SLMAP: variants seen among roughly 807,000 people sequenced by gnomAD.
SLMAP encodes the protein sarcolemmal membrane-associated protein.
A neutral mutation model predicts 128.8 loss-of-function variants in SLMAP; 44 were observed. That is an observed-to-expected ratio of 0.34 (90% confidence interval 0.27 to 0.44). The LOEUF is 0.44. SLMAP is among the 20% of genes least tolerant of loss of function. SLMAP has a pLI of 1.00. For synonymous variants in SLMAP, 327 were observed against 348.8 expected, an observed-to-expected ratio of 0.94 and a Z score of 0.70; for missense variants, 787 against 985.3, an observed-to-expected ratio of 0.80 and a Z score of 2.69.
At chr3:57,768,402 A>T (rs1046940066) in intron 2 of SLMAP, among the ~76,000 whole-genome samples, 16 of 152,270 alleles carry the variant, frequency 1.1e-4, no homozygotes, top group African/African-American at 3.8e-4. Context: ...TACTTATACA[A>T]ATAACAGGAA....
At chr3:57,829,546 A>G (rs949078051) in intron 2 of SLMAP, among the ~76,000 whole-genome samples, 9 of 152,328 alleles carry the variant, frequency 5.9e-5, no homozygotes, top group Non-Finnish European at 1.2e-4. Context: ...AAATATTCCT[A>G]CTTGAAAGTA....
chr3:57,843,762 C>CT (rs2094090903), intron 4 of SLMAP, among the ~76,000 whole-genome samples: 1 of 112,510 alleles, frequency 8.9e-6, no homozygotes, highest in Non-Finnish European at 1.8e-5. Flanking sequence ...CTCTCTCTTT[C>CT]TTTCTTTTCT....
intron 2 of SLMAP, among the ~76,000 whole-genome samples, chr3:57,794,705 T>C (rs1336749418): frequency 6.6e-6 from 1 of 152,236 alleles, no homozygotes; most frequent in East Asian, 1.9e-4. Context: ...CTTTTGTGTC[T>C]GGCTTCTTTC....
chr3:57,861,444 A>C lies in SLMAP; in HGVS notation c.829-505A>C, dbSNP rs565214155. ...TAGAATTAGTTAAAATGCTCATCAG[A>C]AACTAAATGGTAAACATACCTTTCC... On this transcript the variant is annotated intron_variant, in intron 9 of 24. Coordinates refer to ENST00000671191, the MANE Select transcript of SLMAP (RefSeq NM_001377540.1). Among the ~76,000 whole-genome samples, 4 of 152,318 alleles carry C rather than the reference A, an allele frequency of 2.6e-5. No homozygotes were observed. The East Asian group carries it at 7.7e-4, about 29-fold the overall frequency.
Position 57,757,324 on chromosome 3 carries a change from A to G in SLMAP, c.-328A>G. The G allele has an allele frequency of 2.4e-6, 1 of 410,612 alleles. No homozygotes were observed. The highest frequency in any genetic ancestry group is 4.6e-6 in the Non-Finnish European group (1 of 219,756). 25.4% of individuals were successfully genotyped at this position (410,612 alleles called of 1,614,324 possible). ...ATCTGCTTGGATACCTCCAGTCCCC[A>G]AACTGTGTTCCAGGAGTTTTCTTGG... On this transcript the variant is annotated 5_prime_UTR_variant, in exon 2 of 25. Transcript: ENST00000671191.
chr3:57,807,630 G>A (rs144534007), intron 2 of SLMAP, among the ~76,000 whole-genome samples: 22 of 152,344 alleles, frequency 1.4e-4, no homozygotes, highest in African/African-American at 4.3e-4. Context: ...TTGCATCCCA[G>A]GGATGAAGCC....
At chr3:57,806,252 C>T (rs940365896) in intron 2 of SLMAP, among the ~76,000 whole-genome samples, 2 of 152,018 alleles carry the variant, frequency 1.3e-5, no homozygotes, top group South Asian at 2.1e-4. Context: ...GTTCCCCTCC[C>T]TGTGTCCATG....
intron 2 of SLMAP, among the ~76,000 whole-genome samples, chr3:57,783,883 C>G (rs2083543420): frequency 2.0e-5 from 3 of 152,070 alleles, no homozygotes; most frequent in Admixed American, 1.3e-4. Context: ...TAGGGCTGCC[C>G]CTATCTCTGT....
chr3:57,786,850 C>T (rs1365349108), intron 2 of SLMAP, among the ~76,000 whole-genome samples: 1 of 151,722 alleles, frequency 6.6e-6, no homozygotes, highest in Non-Finnish European at 1.5e-5. Flanking sequence ...TCTCCTGCCT[C>T]AGCCTCCCGA....
chr3:57,881,242 G>T (rs529009931), intron 14 of SLMAP, among the ~76,000 whole-genome samples: 1 of 151,834 alleles, frequency 6.6e-6, no homozygotes, highest in Non-Finnish European at 1.5e-5. Flanking sequence ...CTACTCTATC[G>T]CTCTTTGAGT....
intron 2 of SLMAP, among the ~76,000 whole-genome samples, chr3:57,828,977 C>G (rs1244717261): frequency 1.3e-5 from 2 of 152,034 alleles, no homozygotes; most frequent in Non-Finnish European, 2.9e-5. Context: ...GGGATGGGGT[C>G]TCACTTTGTT....
chr3:57,864,087 T>C (rs2153604064), intron 10 of SLMAP, among the ~76,000 whole-genome samples: 1 of 152,326 alleles, frequency 6.6e-6, no homozygotes, highest in Admixed American at 6.5e-5. Context: ...CATCAAGCCT[T>C]TGTCTTTATC....
chr3:57,842,247 A>G (rs1431170856), intron 4 of SLMAP, among the ~76,000 whole-genome samples: 1 of 152,148 alleles, frequency 6.6e-6, no homozygotes, highest in Non-Finnish European at 1.5e-5. Context: ...CATTTATTTT[A>G]TGCTTGTTAG....
intron 13 of SLMAP, among the ~76,000 whole-genome samples, chr3:57,870,965 T>C (rs2095467989): frequency 6.6e-6 from 1 of 152,236 alleles, no homozygotes; most frequent in Non-Finnish European, 1.5e-5. Flanking sequence ...GTTACATTTT[T>C]ATTGTCTCCA....
chr3:57,795,096 T>A (rs982991904), intron 2 of SLMAP, among the ~76,000 whole-genome samples: 1 of 152,104 alleles, frequency 6.6e-6, no homozygotes, highest in African/African-American at 2.4e-5. Context: ...AGCCATCAGG[T>A]GGGTAGGAAA....
rs1179331421 is a variant in SLMAP, at chr3:57,851,477, GT to G, written c.519+1674del. 5.9e-3 allele frequency among the ~76,000 whole-genome samples: 794 copies of G among 133,536 alleles called. 9 individuals carry two copies. Among genetic ancestry groups the G allele is most frequent in the African/African-American group, 0.019 (685 of 36,770 alleles). 87.6% of individuals were successfully genotyped at this position (133,536 alleles called of 152,430 possible). ...AGAGACTGAGGTATTTTTTGTTTTT[GT>G]TTTTTTTTTTTTGAAATGGACTTTC... On this transcript the variant is annotated intron_variant, in intron 6 of 24. Coordinates refer to ENST00000671191, the MANE Select transcript of SLMAP (RefSeq NM_001377540.1).
chr3:57,911,412 A>G (rs2096693701), intron 19 of SLMAP, among the ~76,000 whole-genome samples: 1 of 152,188 alleles, frequency 6.6e-6, no homozygotes, highest in East Asian at 1.9e-4. Context: ...TTAAATCTAC[A>G]ATTTCCTTAT....
chr3:57,767,138 C>G (rs1434975887), intron 2 of SLMAP, among the ~76,000 whole-genome samples: 15 of 152,040 alleles, frequency 9.9e-5, no homozygotes, highest in Non-Finnish European at 2.9e-5. Flanking sequence ...AGGCTGATCT[C>G]GAACTCCTGG....
At chr3:57,781,288 G>A (rs1036851848) in intron 2 of SLMAP, among the ~76,000 whole-genome samples, 3 of 152,006 alleles carry the variant, frequency 2.0e-5, no homozygotes, top group Non-Finnish European at 4.4e-5. Flanking sequence ...GCTACATTAT[G>A]TATGTATTTG....
Sources: gnomAD v4.1 joint callset for allele counts (sites outside exome capture counted in the v4.1 genomes callset) on GRCh38, gnomAD v4.1.1 for gene constraint, MANE v1.5 for transcripts, NCBI Gene and HGNC (gene_info 2026-07-23, HGNC 2026-07-21) for gene names.